ZNF485: variants seen among roughly 807,000 people sequenced by gnomAD.
ZNF485 encodes zinc finger protein 485.
In ZNF485, 9 loss-of-function variants were observed where a neutral mutation model predicts 10.8. The ratio of observed to expected loss-of-function variants is 0.83; its 90% CI spans 0.50 to 1.45. The LOEUF is 1.45. Ranked by LOEUF, ZNF485 falls within the 40% of genes most tolerant of loss-of-function variation. The pLI, the probability that ZNF485 is intolerant of heterozygous loss-of-function variation, is 0.00. For missense variants in ZNF485, 487 were observed against 528.0 expected, an observed-to-expected ratio of 0.92 and a Z score of 0.76; for synonymous variants, 187 against 181.0, an observed-to-expected ratio of 1.03 and a Z score of -0.27.
intron 2 of ZNF485, 96 bp downstream of exon 2, chr10:43,607,170 C>A: frequency 3.4e-6 from 5 of 1,454,100 alleles, no homozygotes; most frequent in Non-Finnish European, 2.8e-6. Flanking sequence ...TGTGTGTGGA[C>A]AAAGCTACCC....
chr10:43,615,392 T>C (rs1838834483), intron 4 of ZNF485, among the ~76,000 whole-genome samples: 1 of 151,590 alleles, frequency 6.6e-6, no homozygotes, highest in African/African-American at 2.4e-5. Flanking sequence ...AGTACACCCA[T>C]TGATTGGTAA....
intron 4 of ZNF485, among the ~76,000 whole-genome samples, chr10:43,612,541 C>G (rs916168942): frequency 6.6e-6 from 1 of 152,160 alleles, no homozygotes; most frequent in African/African-American, 2.4e-5. Context: ...GTTGTCAATA[C>G]TGACTTGTCC....
intron 1 of ZNF485, 53 bp from the exon 2 acceptor site, chr10:43,606,944 T>G: frequency 1.4e-6 from 2 of 1,450,772 alleles, no homozygotes; most frequent in Non-Finnish European, 1.9e-6. Flanking sequence ...GGGCAGATTC[T>G]AGCTAGGCTA....
At chr10:43,611,347 C>T (rs1019670482) in intron 4 of ZNF485, among the ~76,000 whole-genome samples, 3 of 152,068 alleles carry the variant, frequency 2.0e-5, no homozygotes, top group East Asian at 1.9e-4. Context: ...GGATTACAGG[C>T]GTGCATCACC....
At chr10:43,608,970 T>A (rs1413752703) in intron 3 of ZNF485, among the ~76,000 whole-genome samples, 1 of 152,226 alleles carries the variant, frequency 6.6e-6, no homozygotes, top group African/African-American at 2.4e-5. Context: ...AGCCCAGTTC[T>A]GGAATGTTTC....
rs772511344 is a variant in ZNF485 at position 43,608,615 on chromosome 10, G to T, written c.26G>T (p.Gly9Val). 1.2e-6 allele frequency: 2 copies of T among 1,612,726 alleles called. No homozygotes were observed. Among genetic ancestry groups the T allele is most frequent in the South Asian group, 2.2e-5 (2 of 90,868 alleles). Residue 9 changes from glycine (G) to valine (V), a missense_variant and splice_region_variant, in exon 3 of 5, where the codon GGA (glycine) becomes GTA (valine). Gly to Val is a moderately radical substitution (Grantham distance 109). Transcript: ENST00000361807. ...GCAGAATTGGGTTTGGTTTTGCAGGGACCGCTGACATTTGGGGATGTGGCT... is the reference window on the plus strand; with the variant it reads ...GCAGAATTGGGTTTGGTTTTGCAGGTACCGCTGACATTTGGGGATGTGGCT... MAPRAQIQ[G>V]PLTFGDVAVA...
At chr10:43,609,679 T>A (rs61859181) in intron 4 of ZNF485, among the ~76,000 whole-genome samples, 7,205 of 152,144 alleles carry the variant, frequency 0.047, 199 homozygotes, top group Non-Finnish European at 0.055. Context: ...CCATTTTCTT[T>A]CTTTCTTTTT....
In ZNF485 at chr10:43,607,037, A is replaced by G. The variant is rs1486612674; in HGVS notation, c.-14A>G. On this transcript the variant is annotated 5_prime_UTR_variant, in exon 2 of 5. Transcript: ENST00000361807. ...ATTCTCAGCCCTTGCCTGGGAGAAC[A>G]GTTCAGGAGACAGATGGCCCCAAGA... 1.3e-6 allele frequency: 2 copies of G among 1,551,722 alleles called. No individual in the cohort carries two copies. Among genetic ancestry groups the G allele is most frequent in the African/African-American group, 1.4e-5 (1 of 73,044 alleles).
At position 43,617,089 on chromosome 10, in the gene ZNF485, G is replaced by GTGGAAA. The variant is rs1226437087; in HGVS notation, c.1048_1053dup (p.Gly350_Asn351dup). The stretch of plus-strand genomic sequence containing the variant: ...TTTGCTGGTCATCAGAAAACTCACA[G>GTGGAAA]TGGAAATAAACCGTATCAGTGTCGT... On this transcript the variant is annotated inframe_insertion, in exon 5 of 5. Transcript: ENST00000361807. 6.2e-7 allele frequency: 1 copy of GTGGAAA among 1,614,016 alleles called. No individual in the cohort carries two copies. The highest frequency in any genetic ancestry group is 1.3e-5 in the African/African-American group (1 of 74,918).
Position 43,616,506 on chromosome 10 carries a change from G to C in ZNF485, c.463G>C (p.Glu155Gln). ...FISHQRNHTS[E>Q]KPHKCKECGI... ...TAGCCACCAGAGAAATCACACCAGT[G>C]AGAAACCACATAAATGTAAAGAATG... Residue 155 changes from glutamate to glutamine, a missense_variant, in exon 5 of 5, where the codon GAG becomes CAG. Glu to Gln is a conservative substitution (Grantham distance 29, BLOSUM62 2). Coordinates refer to ENST00000361807, the MANE Select transcript of ZNF485 (RefSeq NM_145312.4). The C allele has an allele frequency of 6.2e-7, 1 of 1,614,090 alleles. No homozygotes were observed. The highest frequency in any genetic ancestry group is 8.5e-7 in the Non-Finnish European group (1 of 1,180,006).
chr10:43,614,994 C>G (rs1167707184), intron 4 of ZNF485, among the ~76,000 whole-genome samples: 1 of 152,184 alleles, frequency 6.6e-6, no homozygotes, highest in Non-Finnish European at 1.5e-5. Context: ...TTGAAATTTT[C>G]TCTAGTTTGA....
Position 43,617,220 on chromosome 10 carries a change from C to T in ZNF485, c.1177C>T (p.His393Tyr), listed in dbSNP as rs1588843663. 4 of 1,614,152 alleles carry T rather than the reference C, an allele frequency of 2.5e-6. No homozygotes were observed. In the East Asian group the frequency reaches 8.9e-5, roughly 36 times the overall value. ...TAAGAAATGTGGGAAAGCCTTTCGG[C>T]ACAGCTCAGGCCTTGTTGAACATCA... ...HCKKCGKAFRHSSGLVEHQRL... is the reference protein window; with the variant it reads ...HCKKCGKAFRYSSGLVEHQRL... The change falls in exon 5 of 5, where the codon CAC (histidine) becomes TAC (tyrosine). Residue 393 changes from histidine to tyrosine, a missense_variant. Physicochemically the swap from His to Tyr is moderately conservative, Grantham distance 83. Transcript: ENST00000361807.
chr10:43,615,724 T>C (rs1003758322), intron 4 of ZNF485, among the ~76,000 whole-genome samples: 1 of 152,178 alleles, frequency 6.6e-6, no homozygotes, highest in Non-Finnish European at 1.5e-5. Flanking sequence ...TTTTTAGATA[T>C]GTTAAAAATT....
At position 43,607,042 on chromosome 10, in the gene ZNF485, AGGAGACAGATGGCCC is replaced by A. The variant is rs1838662903; in HGVS notation, c.-8_7del. ...CAGCCCTTGCCTGGGAGAACAGTTC[AGGAGACAGATGGCCC>A]CAAGAGCCCAGATCCAGGCAAGTTT... is the stretch of plus-strand genomic sequence containing the variant. On this transcript the variant is annotated start_lost and 5_prime_UTR_variant, in exon 2 of 5. Coordinates refer to ENST00000361807, the MANE Select transcript of ZNF485 (RefSeq NM_145312.4). 6.4e-7 allele frequency: 1 copy of A among 1,551,738 alleles called. No homozygotes were observed. The highest frequency in any genetic ancestry group is 8.7e-7 in the Non-Finnish European group (1 of 1,147,044).
intron 2 of ZNF485, among the ~76,000 whole-genome samples, chr10:43,608,041 AT>A (rs942443029): frequency 2.6e-5 from 4 of 151,702 alleles, no homozygotes; most frequent in Admixed American, 1.3e-4. Context: ...ATGAAAAGCA[AT>A]TTTTTTTTCT....
chr10:43,616,765 C>A lies in ZNF485; in HGVS notation c.722C>A (p.Pro241His). ...CAGAGAATTCATACTGGCCAGAAAC[C>A]CTACAAATGTAATGACTGTGGGAAA... ...SHQRIHTGQK[P>H]YKCNDCGKAF... is the part of the protein sequence containing the mutation. The change falls in exon 5 of 5, where the codon CCC becomes CAC. Residue 241 changes from proline (P) to histidine (H), a missense_variant. Pro to His is a moderately conservative substitution (Grantham distance 77, BLOSUM62 -2). Coordinates refer to ENST00000361807, the MANE Select transcript of ZNF485 (RefSeq NM_145312.4). 6.2e-7 allele frequency: 1 copy of A among 1,614,042 alleles called. No homozygotes were observed. Among genetic ancestry groups the A allele is most frequent in the Non-Finnish European group, 8.5e-7 (1 of 1,179,978 alleles).
chr10:43,617,192 C>T lies in ZNF485; in HGVS notation c.1149C>T (p.His383=). Residue 383 remains histidine (H), a synonymous_variant, in exon 5 of 5, where the codon CAC becomes CAT. Transcript: ENST00000361807. ...QRIHTGEKPY[H]CKKCGKAFRH... The stretch of plus-strand genomic sequence containing the variant: ...TTCATACTGGAGAAAAACCCTATCA[C>T]TGTAAGAAATGTGGGAAAGCCTTTC... 1 of 1,614,120 alleles carries T rather than the reference C, an allele frequency of 6.2e-7. No homozygotes were observed. The highest frequency in any genetic ancestry group is 8.5e-7 in the Non-Finnish European group (1 of 1,180,004).
Position 43,617,309 on chromosome 10 carries a change from T to G in ZNF485, c.1266T>G (p.Ser422Arg). The change falls in exon 5 of 5, where the codon AGT becomes AGG. Residue 422 changes from serine to arginine, a missense_variant. Transcript: ENST00000361807. The stretch of plus-strand genomic sequence containing the variant: ...AATGTGGGAAAGCTTTTCCCCGAAG[T>G]TCAGCCCTTAAGCAACATAAGAAAA... ...CNECGKAFPR[S>R]SALKQHKKIH... The G allele has an allele frequency of 2.5e-6, 4 of 1,599,012 alleles. No individual in the cohort carries two copies. Among genetic ancestry groups the G allele is most frequent in the Non-Finnish European group, 3.4e-6 (4 of 1,175,240 alleles).
intron 4 of ZNF485, among the ~76,000 whole-genome samples, chr10:43,612,303 A>G (rs1276238540): frequency 6.6e-6 from 1 of 152,188 alleles, no homozygotes; most frequent in Non-Finnish European, 1.5e-5. Flanking sequence ...ACTGATACTT[A>G]AATGTATTTA....
Sources: gnomAD v4.1 joint callset for allele counts (sites outside exome capture counted in the v4.1 genomes callset) on GRCh38, gnomAD v4.1.1 for gene constraint, MANE v1.5 for transcripts, NCBI Gene and HGNC (gene_info 2026-07-23, HGNC 2026-07-21) for gene names.